Variants in EPHA6 observed in about 807,000 individuals in gnomAD.
The protein encoded by EPHA6 is EPH receptor A6, also known as ephrin type-A receptor 6.
A neutral mutation model predicts 112.0 loss-of-function variants in EPHA6; 50 were observed. The ratio of observed to expected loss-of-function variants is 0.45; its 90% CI spans 0.36 to 0.56. The LOEUF is 0.56. Ranked by LOEUF, EPHA6 falls within the 20% of genes least tolerant of loss-of-function variation. EPHA6 has a pLI of 0.00. For missense variants in EPHA6, 1,280 were observed against 1,417.4 expected, an observed-to-expected ratio of 0.90 and a Z score of 1.56; for synonymous variants, 529 against 490.7, an observed-to-expected ratio of 1.08 and a Z score of -1.03.
At chr3:97,748,423 C>T (rs1037202281) in intron 17 of EPHA6, among the ~76,000 whole-genome samples, 164 bp from the exon 18 acceptor site, 2 of 152,072 alleles carry the variant, frequency 1.3e-5, no homozygotes, top group African/African-American at 4.8e-5. Flanking sequence ...GTAAGCTACA[C>T]TATTTTTGGT....
At chr3:96,902,396 A>C (rs1382094949) in intron 2 of EPHA6, among the ~76,000 whole-genome samples, 1 of 152,164 alleles carries the variant, frequency 6.6e-6, no homozygotes, top group Admixed American at 6.6e-5. Context: ...TTACCACTGG[A>C]AACTACTATT....
chr3:97,359,030 C>CTTT (rs796076993), intron 5 of EPHA6, among the ~76,000 whole-genome samples: 3 of 138,928 alleles, frequency 2.2e-5, no homozygotes, highest in Admixed American at 7.2e-5. Flanking sequence ...CTTGCTATGG[C>CTTT]TTTTTTTTTT....
At chr3:97,733,669 C>A (rs1411129374) in intron 15 of EPHA6, among the ~76,000 whole-genome samples, 2 of 151,966 alleles carry the variant, frequency 1.3e-5, no homozygotes. Flanking sequence ...AATTACAGTA[C>A]AATGTTATGG....
intron 4 of EPHA6, among the ~76,000 whole-genome samples, chr3:97,232,931 T>C (rs191827966): frequency 1.3e-5 from 2 of 152,250 alleles, no homozygotes; most frequent in Admixed American, 1.3e-4. Flanking sequence ...CTGGAGTCAT[T>C]TTTTCTTACT....
intron 6 of EPHA6, among the ~76,000 whole-genome samples, chr3:97,426,669 C>T (rs1202829779): frequency 1.3e-5 from 2 of 152,142 alleles, no homozygotes; most frequent in Non-Finnish European, 2.9e-5. Context: ...CCTCCAATAG[C>T]AATTGCAACA....
At chr3:97,168,797 T>A (rs1045943869) in intron 3 of EPHA6, among the ~76,000 whole-genome samples, 2 of 152,006 alleles carry the variant, frequency 1.3e-5, no homozygotes, top group African/African-American at 4.8e-5. Flanking sequence ...TCTATAGCAG[T>A]GGGAGAATGG....
Position 97,671,690 on chromosome 3 carries a change from G to T in EPHA6, c.2784+33608G>T, listed in dbSNP as rs368779731. The stretch of plus-strand genomic sequence containing the variant: ...AAAATGGTACTTTTAAAAACCTGTG[G>T]CCTTGGATAGACTCAGGGCAAAATA... On this transcript the variant is annotated intron_variant, in intron 14 of 17. Coordinates refer to ENST00000389672, the MANE Select transcript of EPHA6 (RefSeq NM_001080448.3). Among the ~76,000 whole-genome samples, 14 of 152,106 alleles carry T rather than the reference G, an allele frequency of 9.2e-5. No homozygotes were observed. In the South Asian group the frequency reaches 2.7e-3, roughly 29 times the overall value.
intron 11 of EPHA6, among the ~76,000 whole-genome samples, chr3:97,546,646 A>T (rs1220403032): frequency 6.6e-6 from 1 of 152,210 alleles, no homozygotes; most frequent in Admixed American, 6.5e-5. Context: ...CCTGGATAAT[A>T]TCCTGCAGAG....
rs1001292209 is a variant in EPHA6 at position 97,029,697 on chromosome 3, T to A, written c.1114+41704T>A. ...CATCAAAATTTATTGAATTGTGTATTCATCAAATTGGCTGCATTTTGCAGC... is the reference window on the plus strand; with the variant it reads ...CATCAAAATTTATTGAATTGTGTATACATCAAATTGGCTGCATTTTGCAGC... On this transcript the variant is annotated intron_variant, in intron 3 of 17. Transcript: ENST00000389672. 2.0e-5 allele frequency among the ~76,000 whole-genome samples: 3 copies of A among 152,164 alleles called. No individual in the cohort carries two copies. In the East Asian group the frequency reaches 5.8e-4, roughly 29 times the overall value.
At chr3:97,528,581 C>T (rs2107639398) in intron 10 of EPHA6, among the ~76,000 whole-genome samples, 1 of 152,218 alleles carries the variant, frequency 6.6e-6, no homozygotes, top group South Asian at 2.1e-4. Context: ...TGGCTCTTTG[C>T]TTCAATGCTC....
chr3:97,396,262 G>GCA (rs1236450538), intron 5 of EPHA6, among the ~76,000 whole-genome samples: 2 of 149,044 alleles, frequency 1.3e-5, no homozygotes, highest in Admixed American at 6.8e-5. Flanking sequence ...ATGCACGCAT[G>GCA]CACACACACA....
chr3:97,326,852 G>A (rs1169567152), intron 5 of EPHA6, among the ~76,000 whole-genome samples: 1 of 152,084 alleles, frequency 6.6e-6, no homozygotes, highest in African/African-American at 2.4e-5. Flanking sequence ...GAAATTAAAT[G>A]TGAACGTCTT....
At position 97,389,188 on chromosome 3, in the gene EPHA6, A is replaced by G. The variant is rs534505838; in HGVS notation, c.1607-15962A>G. 5.9e-5 allele frequency among the ~76,000 whole-genome samples: 9 copies of G among 152,336 alleles called. No individual in the cohort carries two copies. The South Asian group carries it at 1.7e-3, about 28-fold the overall frequency. On this transcript the variant is annotated intron_variant, in intron 5 of 17. Coordinates refer to ENST00000389672, the MANE Select transcript of EPHA6 (RefSeq NM_001080448.3). ...CAATTCAAAGCAGAAGAACATGATA[A>G]GAATTAAAGCAAATGATATAATTCT...
Position 97,760,421 on chromosome 3 carries a change from TA to T in EPHA6, c.*11721del, listed in dbSNP as rs916083916. The T allele has an allele frequency of 5.9e-6, 1 of 168,386 alleles. No individual in the cohort carries two copies. Among genetic ancestry groups the T allele is most frequent in the Non-Finnish European group, 1.3e-5 (1 of 78,052 alleles). The allele number at this position is 168,386 out of a possible 1,614,324, so 10.4% of individuals were successfully genotyped here. A position where few individuals can be genotyped will look rare whatever the true frequency, so the allele number is the denominator to read the frequency against. On this transcript the variant is annotated 3_prime_UTR_variant, in exon 18 of 18. Coordinates refer to ENST00000389672, the MANE Select transcript of EPHA6 (RefSeq NM_001080448.3). The stretch of plus-strand genomic sequence containing the variant: ...GTGTATGTGTGTATATATATCTCTC[TA>T]GGTTGTATGTAATTCAATATGTTGG...
chr3:97,407,508 G>A (rs551205019), intron 6 of EPHA6, among the ~76,000 whole-genome samples: 1 of 151,768 alleles, frequency 6.6e-6, no homozygotes, highest in East Asian at 1.9e-4. Flanking sequence ...GTGTGTGTGT[G>A]TATTAAGAGT....
chr3:97,615,450 A>T (rs2093757630), intron 13 of EPHA6, among the ~76,000 whole-genome samples: 1 of 152,174 alleles, frequency 6.6e-6, no homozygotes, highest in African/African-American at 2.4e-5. Context: ...AGGGAGCTGA[A>T]TCCAGGGGGC....
intron 5 of EPHA6, among the ~76,000 whole-genome samples, chr3:97,276,770 C>A (rs1410227539): frequency 6.6e-6 from 1 of 152,132 alleles, no homozygotes. Context: ...GAGCCATGAA[C>A]TGGGCTGGGT....
In EPHA6 at chr3:97,029,071, G is replaced by A. The variant is rs190874323; in HGVS notation, c.1114+41078G>A. ...TAAGTATATCAAAATTGGAATTAAA[G>A]TTAACAGTTCTTGCAAAATAACAAT... is the stretch of plus-strand genomic sequence containing the variant. On this transcript the variant is annotated intron_variant, in intron 3 of 17. Transcript: ENST00000389672. Among the ~76,000 whole-genome samples the A allele has an allele frequency of 1.8e-4, 28 of 151,650 alleles. 1 individual carries two copies. The highest frequency in any genetic ancestry group is 6.7e-4 in the African/African-American group (28 of 41,520).
At position 97,052,427 on chromosome 3, in the gene EPHA6, TTGTC is replaced by T. The variant is rs976885881; in HGVS notation, c.1114+64439_1114+64442del. Among the ~76,000 whole-genome samples the T allele has an allele frequency of 1.7e-4, 26 of 152,250 alleles. No homozygotes were observed. The South Asian group carries it at 3.5e-3, about 21-fold the overall frequency. ...GCCAAAGACTTTAATTTTTTTTTCT[TTGTC>T]TGTCCACATTACTGTGTGAGTTCCT... On this transcript the variant is annotated intron_variant, in intron 3 of 17. Coordinates refer to ENST00000389672, the MANE Select transcript of EPHA6 (RefSeq NM_001080448.3).
Sources: allele counts gnomAD v4.1 joint callset (sites outside exome capture counted in the v4.1 genomes callset), GRCh38; gene constraint gnomAD v4.1.1; transcripts MANE v1.5; gene names NCBI Gene and HGNC (gene_info 2026-07-23, HGNC 2026-07-21).